The following KLHL3 variants were observed in gnomAD, a reference collection of about 807,000 sequenced individuals.
The protein encoded by KLHL3 is kelch like family member 3, also known as kelch-like protein 3.
Under a neutral mutation model 70.5 loss-of-function variants are expected in KLHL3, and 19 were observed. The observed-to-expected ratio is 0.27, with a 90% CI of 0.19 to 0.40. The LOEUF (loss-of-function observed/expected upper bound fraction) is 0.40. KLHL3 is among the 10% of genes least tolerant of loss of function. KLHL3 has a pLI of 1.00. For missense variants in KLHL3, 512 were observed against 771.1 expected (o/e 0.66, Z 3.98); for synonymous variants, 258 against 290.3 (o/e 0.89, Z 1.13).
chr5:137,708,035 G>A (rs1372379148), intron 3 of KLHL3, among the ~76,000 whole-genome samples: 1 of 151,728 alleles, frequency 6.6e-6, no homozygotes, highest in African/African-American at 2.4e-5. Flanking sequence ...TGAAGGAAAG[G>A]GGGAAAAAAG....
chr5:137,662,248 CACA>C, intron 6 of KLHL3, among the ~76,000 whole-genome samples: 1 of 139,292 alleles, frequency 7.2e-6, no homozygotes, highest in Middle Eastern at 3.6e-3. Flanking sequence ...TCTACACACA[CACA>C]CACACACACA....
At chr5:137,658,431 C>T in intron 7 of KLHL3, 151 bp from the exon 8 acceptor site, 2 of 750,354 alleles carry the variant, frequency 2.7e-6, no homozygotes, top group Non-Finnish European at 4.5e-6. Context: ...TTACTGCTCA[C>T]CTCCTGCATT....
intron 3 of KLHL3, among the ~76,000 whole-genome samples, chr5:137,704,946 T>C (rs1271259859): frequency 2.0e-5 from 3 of 152,164 alleles, no homozygotes; most frequent in Non-Finnish European, 4.4e-5. Flanking sequence ...CTCTAGAAGA[T>C]AGCCACGTGG....
At chr5:137,696,064 G>T (rs1328923965) in intron 4 of KLHL3, among the ~76,000 whole-genome samples, 1 of 152,116 alleles carries the variant, frequency 6.6e-6, no homozygotes, top group South Asian at 2.1e-4. Context: ...TCATGTGCAG[G>T]CCCCGTTTTG....
intron 3 of KLHL3, among the ~76,000 whole-genome samples, chr5:137,702,259 AC>A (rs34922265): frequency 0.81 from 123,863 of 152,194 alleles, 50,917 homozygotes; most frequent in East Asian, 0.98. Flanking sequence ...ACACAAGAGC[AC>A]CAGGTTTGCT....
At chr5:137,713,594 G>A (rs1382870061) in intron 2 of KLHL3, among the ~76,000 whole-genome samples, 1 of 152,154 alleles carries the variant, frequency 6.6e-6, no homozygotes, top group Admixed American at 6.5e-5. Flanking sequence ...AGAAAACATA[G>A]GGGTAAATCT....
At chr5:137,633,561 C>T (rs748824209) in intron 12 of KLHL3, among the ~76,000 whole-genome samples, 10 of 152,130 alleles carry the variant, frequency 6.6e-5, no homozygotes, top group Non-Finnish European at 1.3e-4. Context: ...GTCATATAAT[C>T]AATCTAAGTA....
chr5:137,727,338 T>C (rs1325077662), intron 1 of KLHL3, among the ~76,000 whole-genome samples: 1 of 152,028 alleles, frequency 6.6e-6, no homozygotes, highest in Non-Finnish European at 1.5e-5. Flanking sequence ...ACAACCCCAT[T>C]CCAGGTCATC....
At chr5:137,679,296 C>T (rs1384258528) in intron 5 of KLHL3, among the ~76,000 whole-genome samples, 1 of 152,040 alleles carries the variant, frequency 6.6e-6, no homozygotes, top group East Asian at 2.0e-4. Context: ...AAAAAGCAGT[C>T]ACCACACAAG....
intron 3 of KLHL3, among the ~76,000 whole-genome samples, chr5:137,700,683 C>A (rs1053300559): frequency 2.0e-5 from 3 of 152,154 alleles, no homozygotes; most frequent in Non-Finnish European, 4.4e-5. Flanking sequence ...TGCTCCTTTA[C>A]ATGACCCTCA....
chr5:137,655,239 A>G (rs1751307833), intron 8 of KLHL3, among the ~76,000 whole-genome samples: 1 of 152,264 alleles, frequency 6.6e-6, no homozygotes, highest in African/African-American at 2.4e-5. Flanking sequence ...AACATTCTCA[A>G]GACATGCAGC....
intron 8 of KLHL3, among the ~76,000 whole-genome samples, chr5:137,652,575 T>C (rs1226209683): frequency 2.6e-5 from 4 of 152,140 alleles, no homozygotes; most frequent in African/African-American, 9.7e-5. Flanking sequence ...AAAGGACAAA[T>C]AACATACAAT....
intron 14 of KLHL3, 54 bp downstream of exon 14, chr5:137,625,699 T>TCC: frequency 6.2e-7 from 1 of 1,602,560 alleles, no homozygotes; most frequent in Admixed American, 1.7e-5. Flanking sequence ...CAACCCTCAT[T>TCC]CCCCCAGTGT....
chr5:137,628,148 C>T lies in KLHL3; in HGVS notation c.1591+149G>A, dbSNP rs1750527940. 3.1e-6 allele frequency: 3 copies of T among 962,826 alleles called. No homozygotes were observed. In the Admixed American group the frequency reaches 7.3e-5, roughly 23 times the overall value. 59.6% of individuals were successfully genotyped at this position (962,826 alleles called of 1,614,324 possible). ...GTCTCAATTTCTCCCCTCCTCTAAT[C>T]AAGAGCCCACCTGGCAAATGCACAC... On this transcript the variant is annotated intron_variant, in intron 13 of 14. Coordinates refer to ENST00000309755, the MANE Select transcript of KLHL3 (RefSeq NM_017415.3).
intron 6 of KLHL3, among the ~76,000 whole-genome samples, chr5:137,673,450 A>G (rs1387382234): frequency 6.6e-6 from 1 of 152,084 alleles, no homozygotes; most frequent in Non-Finnish European, 1.5e-5. Flanking sequence ...GTCCTACACA[A>G]TGAACTAGTG....
At position 137,639,040 on chromosome 5, in the gene KLHL3, C is replaced by T; in HGVS notation, c.1132G>A (p.Ala378Thr). 6.2e-7 allele frequency: 1 copy of T among 1,614,182 alleles called. No homozygotes were observed. The highest frequency in any genetic ancestry group is 1.3e-5 in the African/African-American group (1 of 75,048). The change falls in exon 10 of 15, where the codon GCC becomes ACC. Residue 378 changes from alanine to threonine, a missense_variant. Ala to Thr is a moderately conservative substitution (Grantham distance 58). Coordinates refer to ENST00000309755, the MANE Select transcript of KLHL3 (RefSeq NM_017415.3). The surrounding 1 kb of genome is among the most constrained non-coding windows in gnomAD (Gnocchi z 5.0). ...DGVKDQWTSI[A>T]SMQERRSTLG... Reference sequence around the variant, plus strand: ...GTGCTCCGGCGCTCCTGCATGCTGGCAATGGACGTCCACTGGTCCTTCACG... The same window carrying T: ...GTGCTCCGGCGCTCCTGCATGCTGGTAATGGACGTCCACTGGTCCTTCACG...
At chr5:137,627,219 A>C (rs904605840) in intron 13 of KLHL3, among the ~76,000 whole-genome samples, 1 of 152,226 alleles carries the variant, frequency 6.6e-6, no homozygotes, top group Admixed American at 6.5e-5. Flanking sequence ...TAAGACGTTC[A>C]TGAGAGATTG....
intron 1 of KLHL3, among the ~76,000 whole-genome samples, 194 bp downstream of exon 1, chr5:137,735,439 G>GGAACGGGCA (rs1384173804): frequency 1.4e-4 from 22 of 152,334 alleles, no homozygotes; most frequent in African/African-American, 4.8e-4. Context: ...CCAGATCTCT[G>GGAACGGGCA]GAGATTCAAG....
chr5:137,707,620 C>T (rs1752710747), intron 3 of KLHL3: 1 of 154,276 alleles, frequency 6.5e-6, no homozygotes, highest in African/African-American at 2.4e-5. Flanking sequence ...CTGTAATAAA[C>T]ACATGTGAAC....
Sources: gnomAD v4.1 joint callset for allele counts (sites outside exome capture counted in the v4.1 genomes callset) on GRCh38, gnomAD v4.1.1 for gene constraint, Gnocchi (gnomAD v3.1) non-coding constraint, MANE v1.5 for transcripts, NCBI Gene and HGNC (gene_info 2026-07-23, HGNC 2026-07-21) for gene names.